Variants in GALNT18 observed in about 807,000 individuals in gnomAD.
The protein encoded by GALNT18 is polypeptide N-acetylgalactosaminyltransferase 18, also known as GalNAc-transferase 18.
GALNT18 carries 44 observed loss-of-function variants against 69.5 expected under a neutral mutation model. That is an observed-to-expected ratio of 0.63 (90% CI 0.50 to 0.81). GALNT18 has a LOEUF of 0.81. Among genes scored for constraint, GALNT18 ranks in the 40% least tolerant of loss-of-function variants. The pLI, the probability that GALNT18 is intolerant of heterozygous loss-of-function variation, is 0.00. For synonymous variants in GALNT18, 364 were observed against 318.2 expected (o/e 1.14, Z -1.53); for missense variants, 715 against 810.0 (o/e 0.88, Z 1.42).
rs1850941293 is a variant in GALNT18, at chr11:11,372,725, C to T, written c.978-96G>A. On this transcript the variant is annotated intron_variant, in intron 5 of 10. Transcript: ENST00000227756. The surrounding 1 kb of genome is among the most constrained non-coding windows in gnomAD (Gnocchi z 4.9). ...CCTATCAGGAGGGTCTGGTTCTCTT[C>T]CTTCCTTTGCTGCCAGAGCCAGTGT... is the stretch of plus-strand genomic sequence containing the variant. 3.2e-6 allele frequency: 3 copies of T among 948,642 alleles called. No homozygotes were observed. The highest frequency in any genetic ancestry group is 3.1e-4 in the Middle Eastern group (1 of 3,222). The allele number at this position is 948,642 out of a possible 1,614,324, so 58.8% of individuals were successfully genotyped here.
At chr11:11,456,101 A>G (rs1855918765) in intron 1 of GALNT18, among the ~76,000 whole-genome samples, 1 of 152,056 alleles carries the variant, frequency 6.6e-6, no homozygotes, top group Non-Finnish European at 1.5e-5. Flanking sequence ...CAAACCACAG[A>G]GTGGCAAAGT....
At position 11,457,582 on chromosome 11, in the gene GALNT18, C is replaced by T. The variant is rs547478003; in HGVS notation, c.236-8646G>A. 5.3e-5 allele frequency among the ~76,000 whole-genome samples: 8 copies of T among 152,312 alleles called. No individual in the cohort carries two copies. In the South Asian group the frequency reaches 1.2e-3, roughly 24 times the overall value. On this transcript the variant is annotated intron_variant, in intron 1 of 10. Coordinates refer to ENST00000227756, the MANE Select transcript of GALNT18 (RefSeq NM_198516.3). ...GGCCGCAGGAATGGTCAAGTCCTAC[C>T]GAAGGGTCAGACAGAGCCACCCAGA... is the stretch of plus-strand genomic sequence containing the variant.
chr11:11,420,108 ACT>A (rs1021696160), intron 3 of GALNT18, among the ~76,000 whole-genome samples: 3 of 150,958 alleles, frequency 2.0e-5, no homozygotes, highest in Non-Finnish European at 4.4e-5. Context: ...GTCGATTAGG[ACT>A]CTCATTTTTG....
intron 3 of GALNT18, among the ~76,000 whole-genome samples, chr11:11,419,615 A>G (rs202092680): frequency 1.5e-5 from 2 of 130,906 alleles, no homozygotes; most frequent in African/African-American, 5.2e-5. Flanking sequence ...AAAAAAAAAA[A>G]AAAAAAAGAA....
Position 11,604,478 on chromosome 11 carries a change from C to T in GALNT18, c.235+16881G>A, listed in dbSNP as rs573774392. ...GCGATCTACATCCAGCCCTAGACAC[C>T]CAGGCAGCTTCTGGCAACACCAGTA... is the stretch of plus-strand genomic sequence containing the variant. On this transcript the variant is annotated intron_variant, in intron 1 of 10. Transcript: ENST00000227756. The surrounding 1 kb of genome is among the most constrained non-coding windows in gnomAD (Gnocchi z 5.6). Among the ~76,000 whole-genome samples the T allele has an allele frequency of 6.6e-6, 1 of 152,078 alleles. No individual in the cohort carries two copies. Among genetic ancestry groups the T allele is most frequent in the African/African-American group, 2.4e-5 (1 of 41,400 alleles).
At chr11:11,408,245 A>G (rs1854637559) in intron 3 of GALNT18, among the ~76,000 whole-genome samples, 1 of 151,756 alleles carries the variant, frequency 6.6e-6, no homozygotes, top group Non-Finnish European at 1.5e-5. Flanking sequence ...GGGCGCCTGT[A>G]CAATCCCAGC....
Position 11,435,703 on chromosome 11 carries a change from G to A in GALNT18, c.429-2916C>T, listed in dbSNP as rs934762986. ...CTAACAGCTTGCTTGTTTTATCTAC[G>A]GCCTACATTTTGAGTGTCTGCCGCT... On this transcript the variant is annotated intron_variant, in intron 2 of 10. Transcript: ENST00000227756. This position sits in a 1 kb window ranked among gnomAD's most constrained non-coding sequence, Gnocchi z 4.4. Among the ~76,000 whole-genome samples the A allele has an allele frequency of 2.6e-5, 4 of 151,964 alleles. No individual in the cohort carries two copies. The highest frequency in any genetic ancestry group is 1.9e-4 in the East Asian group (1 of 5,164).
At chr11:11,537,012 C>CAT (rs1390286725) in intron 1 of GALNT18, among the ~76,000 whole-genome samples, 3 of 151,830 alleles carry the variant, frequency 2.0e-5, no homozygotes, top group East Asian at 1.9e-4. Flanking sequence ...TTTTACTCTG[C>CAT]ACAGTGAGCA....
chr11:11,512,550 T>C (rs1857185878), intron 1 of GALNT18, among the ~76,000 whole-genome samples: 1 of 152,142 alleles, frequency 6.6e-6, no homozygotes, highest in South Asian at 2.1e-4. Context: ...CACACACAGG[T>C]ACACACACAT....
At chr11:11,478,438 C>CCCCTGG (rs1564969379) in intron 1 of GALNT18, among the ~76,000 whole-genome samples, 1 of 152,136 alleles carries the variant, frequency 6.6e-6, no homozygotes, top group East Asian at 1.9e-4. Flanking sequence ...AAGGAATTAA[C>CCCCTGG]GCAGGGGTTC....
chr11:11,400,999 C>T (rs914409623), intron 3 of GALNT18, among the ~76,000 whole-genome samples: 23 of 152,068 alleles, frequency 1.5e-4, no homozygotes, highest in Admixed American at 6.5e-4. Context: ...GAGGGTCGGC[C>T]GGGGCAGGAA....
intron 1 of GALNT18, among the ~76,000 whole-genome samples, chr11:11,498,072 CAT>C (rs1441654294): frequency 6.6e-6 from 1 of 152,132 alleles, no homozygotes; most frequent in Non-Finnish European, 1.5e-5. Flanking sequence ...AATTTAAACT[CAT>C]ATGTGAAACC....
In GALNT18 at chr11:11,309,886, C is replaced by A. The variant is rs1262062076; in HGVS notation, c.1513-16693G>T. On this transcript the variant is annotated intron_variant, in intron 9 of 10. Coordinates refer to ENST00000227756, the MANE Select transcript of GALNT18 (RefSeq NM_198516.3). This position sits in a 1 kb window ranked among gnomAD's most constrained non-coding sequence, Gnocchi z 4.6. ...TCCAGGACCATCCCACCTCTCCTCA[C>A]CCTGTCCCCACCCCCAGGGATATTG... is the stretch of plus-strand genomic sequence containing the variant. Among the ~76,000 whole-genome samples the A allele has an allele frequency of 6.6e-6, 1 of 152,180 alleles. No individual in the cohort carries two copies. Among genetic ancestry groups the A allele is most frequent in the East Asian group, 1.9e-4 (1 of 5,194 alleles).
intron 3 of GALNT18, among the ~76,000 whole-genome samples, chr11:11,394,030 C>T (rs1439545412): frequency 6.6e-6 from 1 of 152,142 alleles, no homozygotes; most frequent in Non-Finnish European, 1.5e-5. Context: ...TCAGTATCCA[C>T]CTCTTAAGAA....
chr11:11,519,781 A>T (rs1857355255), intron 1 of GALNT18, among the ~76,000 whole-genome samples: 1 of 152,296 alleles, frequency 6.6e-6, no homozygotes, highest in Non-Finnish European at 1.5e-5. Flanking sequence ...CCCATCCATG[A>T]GACTGCAAGC....
chr11:11,432,710 A>G lies in GALNT18; in HGVS notation c.506T>C (p.Val169Ala). The part of the protein sequence containing the change: ...VFIFVNEALS[V>A]LLRSIHSAME... ...GGCCGAGTGGATGGAGCGCAGCAGC[A>G]CTGAAAGCGCTTCATTGACGAAGAT... is the stretch of plus-strand genomic sequence containing the variant. The change falls in exon 3 of 11, where the codon GTG (valine) becomes GCG (alanine). Residue 169 changes from valine to alanine, a missense_variant. Transcript: ENST00000227756. The surrounding 1 kb of genome is among the most constrained non-coding windows in gnomAD (Gnocchi z 5.8). The G allele has an allele frequency of 6.2e-7, 1 of 1,613,968 alleles. No homozygotes were observed. Among genetic ancestry groups the G allele is most frequent in the Non-Finnish European group, 8.5e-7 (1 of 1,179,974 alleles).
At position 11,356,495 on chromosome 11, in the gene GALNT18, T is replaced by C. The variant is rs1850531927; in HGVS notation, c.1093-15491A>G. 6.6e-6 allele frequency among the ~76,000 whole-genome samples: 1 copy of C among 152,218 alleles called. No homozygotes were observed. Among genetic ancestry groups the C allele is most frequent in the South Asian group, 2.1e-4 (1 of 4,820 alleles). On this transcript the variant is annotated intron_variant, in intron 6 of 10. Transcript: ENST00000227756. The surrounding 1 kb of genome is among the most constrained non-coding windows in gnomAD (Gnocchi z 4.4). ...TTCCAGGTTTCTTTGGCTTTTGTTT[T>C]TGCTTTTTTCCAAAATTCAGGAAAT...
At position 11,564,378 on chromosome 11, in the gene GALNT18, G is replaced by A. The variant is rs1440734004; in HGVS notation, c.235+56981C>T. ...ACTCCAGCTGAGAACCCAAATCCCC[G>A]GAAGGATTCCAGGCAAGTGCTCACT... On this transcript the variant is annotated intron_variant, in intron 1 of 10. Coordinates refer to ENST00000227756, the MANE Select transcript of GALNT18 (RefSeq NM_198516.3). This position sits in a 1 kb window ranked among gnomAD's most constrained non-coding sequence, Gnocchi z 4.3. 2.0e-5 allele frequency among the ~76,000 whole-genome samples: 3 copies of A among 152,108 alleles called. No individual in the cohort carries two copies. Among genetic ancestry groups the A allele is most frequent in the South Asian group, 2.1e-4 (1 of 4,818 alleles).
rs998672529 is a variant in GALNT18 at position 11,315,229 on chromosome 11, C to T, written c.1512+11857G>A. ...TCAAGAGAAATTATGTGTTCAGTTC[C>T]AGGTCACAAGCTAACCAGTGGTGGA... is the stretch of plus-strand genomic sequence containing the variant. On this transcript the variant is annotated intron_variant, in intron 9 of 10. Transcript: ENST00000227756. The surrounding 1 kb of genome is among the most constrained non-coding windows in gnomAD (Gnocchi z 5.6). 1.3e-5 allele frequency among the ~76,000 whole-genome samples: 2 copies of T among 152,132 alleles called. No homozygotes were observed. The highest frequency in any genetic ancestry group is 4.8e-5 in the African/African-American group (2 of 41,402).
Sources: gnomAD v4.1 joint callset for allele counts (sites outside exome capture counted in the v4.1 genomes callset) on GRCh38, gnomAD v4.1.1 for gene constraint, Gnocchi (gnomAD v3.1) non-coding constraint, MANE v1.5 for transcripts, NCBI Gene and HGNC (gene_info 2026-07-23, HGNC 2026-07-21) for gene names.